L3MBTL3: variants seen among roughly 807,000 people sequenced by gnomAD.
The protein encoded by L3MBTL3 is lethal(3)malignant brain tumor-like protein 3.
L3MBTL3 carries 27 observed loss-of-function variants against 102.3 expected under a neutral mutation model. The ratio of observed to expected loss-of-function variants is 0.26; its 90% confidence interval spans 0.19 to 0.36. L3MBTL3 has a LOEUF of 0.36. Among genes scored for constraint, L3MBTL3 ranks in the 10% least tolerant of loss-of-function variants. L3MBTL3 has a pLI of 1.00. For missense variants in L3MBTL3, 798 were observed against 955.3 expected, an observed-to-expected ratio of 0.84 and a Z score of 2.17; for synonymous variants, 340 against 320.9, an observed-to-expected ratio of 1.06 and a Z score of -0.64.
At chr6:130,069,547 A>G (rs1782490641) in intron 12 of L3MBTL3, among the ~76,000 whole-genome samples, 1 of 152,208 alleles carries the variant, frequency 6.6e-6, no homozygotes, top group African/African-American at 2.4e-5. Context: ...TTATTTTAAA[A>G]CATCTTAATT....
chr6:130,092,453 T>C (rs2115228777), intron 16 of L3MBTL3, among the ~76,000 whole-genome samples: 1 of 152,298 alleles, frequency 6.6e-6, no homozygotes, highest in South Asian at 2.1e-4. Context: ...ACAGTTCCTG[T>C]TCTCATGTTG....
chr6:130,082,100 T>C (rs1260984677), intron 14 of L3MBTL3, among the ~76,000 whole-genome samples: 1 of 152,202 alleles, frequency 6.6e-6, no homozygotes, highest in African/African-American at 2.4e-5. Context: ...ATCATGTCAG[T>C]CTGTCTCTTT....
Position 130,133,274 on chromosome 6 carries a change from TG to T in L3MBTL3, c.1967-177del. On this transcript the variant is annotated intron_variant, in intron 20 of 22. Coordinates refer to ENST00000361794, the MANE Select transcript of L3MBTL3 (RefSeq NM_032438.4). This position sits in a 1 kb window ranked among gnomAD's most constrained non-coding sequence, Gnocchi z 4.9. ...AATGATATCAGTTGAATTTACAGGT[TG>T]TTTTTTATAGTGACCTTCAGTAAAG... is the stretch of plus-strand genomic sequence containing the variant. The T allele has an allele frequency of 1.7e-6, 1 of 572,606 alleles. No homozygotes were observed. The highest frequency in any genetic ancestry group is 3.1e-6 in the Non-Finnish European group (1 of 325,836). 35.5% of individuals were successfully genotyped at this position (572,606 alleles called of 1,614,324 possible).
At chr6:130,030,774 G>A (rs1332522324) in intron 2 of L3MBTL3, among the ~76,000 whole-genome samples, 2 of 149,372 alleles carry the variant, frequency 1.3e-5, no homozygotes, top group Non-Finnish European at 3.0e-5. Context: ...AATACAATGT[G>A]TTGGCAACTG....
At chr6:130,032,804 A>T (rs953016667) in intron 2 of L3MBTL3, among the ~76,000 whole-genome samples, 3 of 152,214 alleles carry the variant, frequency 2.0e-5, no homozygotes, top group African/African-American at 7.2e-5. Flanking sequence ...CACCCTGGGC[A>T]ACATAGTGAG....
chr6:130,024,758 C>T (rs188914244), intron 2 of L3MBTL3, among the ~76,000 whole-genome samples: 140 of 152,128 alleles, frequency 9.2e-4, no homozygotes, highest in African/African-American at 3.1e-3. Context: ...ACTTAAAAGA[C>T]GAGATCCTTG....
At chr6:130,126,860 G>A (rs560941290) in intron 20 of L3MBTL3, among the ~76,000 whole-genome samples, 4 of 152,300 alleles carry the variant, frequency 2.6e-5, no homozygotes, top group Admixed American at 1.3e-4. Flanking sequence ...ATAAACGTGG[G>A]AGTCCTGCAA....
chr6:130,094,157 G>A (rs1411509297), intron 17 of L3MBTL3, 108 bp from the exon 18 acceptor site: 1 of 677,208 alleles, frequency 1.5e-6, no homozygotes, highest in African/African-American at 1.8e-5. Flanking sequence ...TTAAAAAATT[G>A]GATTTTTAGG....
intron 16 of L3MBTL3, 42 bp from the exon 17 acceptor site, chr6:130,092,703 T>C (rs778938683): frequency 1.5e-6 from 2 of 1,303,700 alleles, no homozygotes; most frequent in African/African-American, 2.9e-5. Flanking sequence ...GTAGGAACTT[T>C]TATGACTTAA....
intron 20 of L3MBTL3, among the ~76,000 whole-genome samples, chr6:130,126,447 A>G (rs535860842): frequency 3.8e-4 from 58 of 152,244 alleles, no homozygotes; most frequent in African/African-American, 1.3e-3. Flanking sequence ...CCTCCATGGT[A>G]TTAGAGATGT....
At chr6:130,095,116 A>C (rs1005394800) in intron 18 of L3MBTL3, among the ~76,000 whole-genome samples, 1 of 152,174 alleles carries the variant, frequency 6.6e-6, no homozygotes, top group Non-Finnish European at 1.5e-5. Context: ...TGTATCACCT[A>C]TTTAGGTATG....
chr6:130,065,481 T>C (rs755233707), intron 10 of L3MBTL3, among the ~76,000 whole-genome samples: 17 of 152,208 alleles, frequency 1.1e-4, no homozygotes, highest in Non-Finnish European at 2.1e-4. Context: ...CTATATGTTT[T>C]AGAGAACTTT....
intron 1 of L3MBTL3, among the ~76,000 whole-genome samples, chr6:130,019,910 G>C (rs1330910431): frequency 2.1e-5 from 3 of 141,996 alleles, no homozygotes; most frequent in Non-Finnish European, 4.7e-5. Flanking sequence ...CCGTCGCGGC[G>C]TTCGCCCCGC....
chr6:130,102,880 T>A (rs528054089), intron 18 of L3MBTL3, among the ~76,000 whole-genome samples: 1 of 152,366 alleles, frequency 6.6e-6, no homozygotes, highest in African/African-American at 2.4e-5. Flanking sequence ...TATGAAGTTA[T>A]CTAATTTATG....
chr6:130,043,414 T>C (rs1780548544), intron 3 of L3MBTL3, among the ~76,000 whole-genome samples: 1 of 152,186 alleles, frequency 6.6e-6, no homozygotes, highest in African/African-American at 2.4e-5. Flanking sequence ...TTGCCCTGCC[T>C]CCTTTTCCCA....
chr6:130,019,975 G>T (rs1778850450), intron 1 of L3MBTL3, among the ~76,000 whole-genome samples: 1 of 137,398 alleles, frequency 7.3e-6, no homozygotes, highest in Non-Finnish European at 1.6e-5. Flanking sequence ...CGTGTGTCGG[G>T]AGGCGGCGGC....
intron 12 of L3MBTL3, among the ~76,000 whole-genome samples, chr6:130,070,219 GA>G (rs1297743297): frequency 6.6e-6 from 1 of 152,110 alleles, no homozygotes; most frequent in East Asian, 1.9e-4. Flanking sequence ...GAGATAGATA[GA>G]TTAAGATATT....
At position 130,051,725 on chromosome 6, in the gene L3MBTL3, G is replaced by A. The variant is rs117946609; in HGVS notation, c.449+317G>A. ...TTTTTCTGGGCTATATACACATTTCGATGACACTGACATTTATAGAAACAT... is the reference window on the plus strand; with the variant it reads ...TTTTTCTGGGCTATATACACATTTCAATGACACTGACATTTATAGAAACAT... On this transcript the variant is annotated intron_variant, in intron 6 of 22. Coordinates refer to ENST00000361794, the MANE Select transcript of L3MBTL3 (RefSeq NM_032438.4). Among the ~76,000 whole-genome samples, 62 of 152,242 alleles carry A rather than the reference G, an allele frequency of 4.1e-4. 1 individual carries two copies. In the East Asian group the frequency reaches 0.011, roughly 27 times the overall value.
At chr6:130,078,787 C>G (rs561638339) in intron 14 of L3MBTL3, among the ~76,000 whole-genome samples, 153 bp downstream of exon 14, 31 of 152,232 alleles carry the variant, frequency 2.0e-4, no homozygotes, top group African/African-American at 7.0e-4. Flanking sequence ...CAAAAACAGC[C>G]ATAGACAATA....
Sources: allele counts gnomAD v4.1 joint callset (sites outside exome capture counted in the v4.1 genomes callset), GRCh38; gene constraint gnomAD v4.1.1; non-coding constraint Gnocchi (gnomAD v3.1); transcripts MANE v1.5; gene names NCBI Gene and HGNC (gene_info 2026-07-23, HGNC 2026-07-21).